DNAH12: variants seen among roughly 807,000 people sequenced by gnomAD.
The protein encoded by DNAH12 is dynein axonemal heavy chain 12, also known as axonemal beta dynein heavy chain 12.
Under a neutral mutation model 371.5 loss-of-function variants are expected in DNAH12, and 285 were observed. That is an observed-to-expected ratio of 0.77 (90% CI 0.70 to 0.85). The LOEUF (loss-of-function observed/expected upper bound fraction) is 0.85. Ranked by LOEUF, DNAH12 falls within the 40% of genes least tolerant of loss-of-function variation. The probability of loss-of-function intolerance (pLI) is 0.00; values close to 1 mark genes in which losing one functional copy is unlikely to be tolerated. For synonymous variants in DNAH12, 1,200 were observed against 1,213.0 expected (o/e 0.99, Z 0.22); for missense variants, 3,611 against 3,689.4 (o/e 0.98, Z 0.55).
intron 62 of DNAH12, among the ~76,000 whole-genome samples, chr3:57,326,370 A>G (rs1395974930): frequency 2.0e-5 from 3 of 152,188 alleles, no homozygotes; most frequent in Admixed American, 6.5e-5. Flanking sequence ...CTCGGCAGAA[A>G]CTCTACAAGC....
At chr3:57,331,311 T>C (rs187273473) in intron 62 of DNAH12, among the ~76,000 whole-genome samples, 1 of 152,156 alleles carries the variant, frequency 6.6e-6, no homozygotes, top group African/African-American at 2.4e-5. Context: ...AATAGGCAGG[T>C]GTTCCCAGAT....
At chr3:57,540,441 G>A (rs774874394) in intron 2 of DNAH12, among the ~76,000 whole-genome samples, 2 of 152,188 alleles carry the variant, frequency 1.3e-5, no homozygotes, top group African/African-American at 4.8e-5. Flanking sequence ...ATGCGTGCAT[G>A]AAAGGGATTA....
chr3:57,371,543 C>T (rs2063169099), intron 55 of DNAH12, among the ~76,000 whole-genome samples: 1 of 151,768 alleles, frequency 6.6e-6, no homozygotes, highest in African/African-American at 2.4e-5. Flanking sequence ...GGTGGGGGCA[C>T]TACAAATGCC....
At chr3:57,313,139 C>T (rs1037871849) in intron 66 of DNAH12, among the ~76,000 whole-genome samples, 2 of 152,158 alleles carry the variant, frequency 1.3e-5, no homozygotes, top group Non-Finnish European at 2.9e-5. Context: ...CTCACTTTCC[C>T]AAGCTCCCTT....
intron 61 of DNAH12, 64 bp downstream of exon 61, chr3:57,334,718 C>T: frequency 6.6e-7 from 1 of 1,508,116 alleles, no homozygotes; most frequent in Admixed American, 2.4e-5. Flanking sequence ...TTAAAAATCA[C>T]TAAATTGAAG....
At chr3:57,447,374 A>G (rs1307316646) in intron 25 of DNAH12, among the ~76,000 whole-genome samples, 1 of 152,184 alleles carries the variant, frequency 6.6e-6, no homozygotes, top group East Asian at 1.9e-4. Flanking sequence ...ATTTTTAGAA[A>G]CATAAATTAC....
intron 11 of DNAH12, among the ~76,000 whole-genome samples, chr3:57,495,782 T>C (rs2067293225): frequency 6.9e-6 from 1 of 144,242 alleles, no homozygotes; most frequent in Admixed American, 7.0e-5. Flanking sequence ...TATATTTTTA[T>C]ATATTTATAT....
At chr3:57,326,651 G>A (rs938677190) in intron 62 of DNAH12, among the ~76,000 whole-genome samples, 1 of 152,136 alleles carries the variant, frequency 6.6e-6, no homozygotes, top group African/African-American at 2.4e-5. Context: ...ACTGCATCAA[G>A]TAATGAGCAA....
intron 70 of DNAH12, among the ~76,000 whole-genome samples, chr3:57,300,379 T>A (rs188090539): frequency 6.6e-6 from 1 of 152,234 alleles, no homozygotes; most frequent in East Asian, 1.9e-4. Context: ...CTATAGCTTC[T>A]ATAAGGGTAA....
Position 57,468,840 on chromosome 3 carries a change from C to T in DNAH12, c.2245G>A (p.Ala749Thr). 1 of 1,528,746 alleles carries T rather than the reference C, an allele frequency of 6.5e-7. No individual in the cohort carries two copies. The highest frequency in any genetic ancestry group is 8.8e-7 in the Non-Finnish European group (1 of 1,141,656). The allele number at this position is 1,528,746 out of a possible 1,614,324, so 94.7% of individuals were successfully genotyped here. A position where few individuals can be genotyped will look rare whatever the true frequency, so the allele number is the denominator to read the frequency against. ...KKELQEKRKA[A>T]RKRSLEEEKI... ...TCTTCTTCCAAAGACCGTTTTCTTG[C>T]TGCCTTTCTTTTTTCTTGTAATTCT... is the stretch of plus-strand genomic sequence containing the variant. Residue 749 changes from alanine (A) to threonine (T), a missense_variant, in exon 17 of 74, where the codon GCA (alanine) becomes ACA (threonine). Physicochemically the swap from Ala to Thr is moderately conservative, Grantham distance 58. Coordinates refer to ENST00000495027, the MANE Select transcript of DNAH12 (RefSeq NM_001366028.2).
chr3:57,339,913 C>T lies in DNAH12; in HGVS notation c.9675-4973G>A, dbSNP rs146509586. On this transcript the variant is annotated intron_variant, in intron 60 of 73. Transcript: ENST00000495027. ...GGCAAAACCTTGTTTCTACCAAAAA[C>T]AGAAAAAATTAGCCAAGTGTGGTGG... 1.0e-3 allele frequency among the ~76,000 whole-genome samples: 154 copies of T among 151,968 alleles called. 1 individual carries two copies. Among genetic ancestry groups the T allele is most frequent in the African/African-American group, 3.5e-3 (146 of 41,490 alleles).
At chr3:57,405,252 A>C (rs1415241345) in intron 41 of DNAH12, 105 bp from the exon 42 acceptor site, 2 of 1,003,610 alleles carry the variant, frequency 2.0e-6, no homozygotes, top group Non-Finnish European at 2.8e-6. Flanking sequence ...TTAAGTTTTT[A>C]AACATTAGGG....
intron 39 of DNAH12, 139 bp from the exon 40 acceptor site, chr3:57,408,674 G>T: frequency 9.0e-7 from 1 of 1,110,294 alleles, no homozygotes; most frequent in Non-Finnish European, 1.2e-6. Flanking sequence ...TTGAGTAGGA[G>T]AGAAATTTTT....
intron 58 of DNAH12, among the ~76,000 whole-genome samples, chr3:57,360,106 C>T (rs1313560425): frequency 6.6e-6 from 1 of 152,154 alleles, no homozygotes; most frequent in Non-Finnish European, 1.5e-5. Context: ...TGCTCCCTAT[C>T]TTCTCTCCCC....
chr3:57,551,423 G>C, the DNAH12 span, among the ~76,000 whole-genome samples: 28 of 151,280 alleles, frequency 1.9e-4, no homozygotes, highest in East Asian at 9.8e-4. Flanking sequence ...AGGCACCCAC[G>C]ACCACGCCCT....
chr3:57,540,628 T>G (rs2069238457), intron 2 of DNAH12, among the ~76,000 whole-genome samples: 1 of 152,082 alleles, frequency 6.6e-6, no homozygotes, highest in Non-Finnish European at 1.5e-5. Flanking sequence ...AATGAAAAGT[T>G]ATGGAGTAAA....
intron 56 of DNAH12, 70 bp downstream of exon 56, chr3:57,367,976 G>C (rs933021471): frequency 4.5e-4 from 68 of 152,248 alleles, no homozygotes; most frequent in African/African-American, 1.6e-3. Flanking sequence ...TATGTAGTAG[G>C]CTTCTTTCAT....
In DNAH12 at chr3:57,507,709, T is replaced by C. The variant is rs750806118; in HGVS notation, c.831A>G (p.Leu277=). 1 of 1,611,610 alleles carries C rather than the reference T, an allele frequency of 6.2e-7. No individual in the cohort carries two copies. Among genetic ancestry groups the C allele is most frequent in the Admixed American group, 1.7e-5 (1 of 59,098 alleles). ...VINLFTKKEA[L]EGVKPEKLDA... is the part of the protein sequence containing the mutation. ...CCAATTTTTCAGGTTTAACACCTTC[T>C]AGTGCCTCCTTCTTGGTAAAGAGAT... Residue 277 remains leucine (L), a synonymous_variant, in exon 8 of 74, where the codon CTA becomes CTG. Transcript: ENST00000495027.
intron 43 of DNAH12, among the ~76,000 whole-genome samples, chr3:57,399,261 G>GA (rs1158249159): frequency 1.3e-5 from 2 of 150,852 alleles, no homozygotes; most frequent in African/African-American, 4.9e-5. Context: ...AAGAAATGAG[G>GA]AAAAAAAGAA....
Sources: allele counts gnomAD v4.1 joint callset (sites outside exome capture counted in the v4.1 genomes callset), GRCh38; gene constraint gnomAD v4.1.1; transcripts MANE v1.5; gene names NCBI Gene and HGNC (gene_info 2026-07-23, HGNC 2026-07-21).